The following NCKAP5 variants were observed in gnomAD, a reference collection of about 807,000 sequenced individuals.
NCKAP5 encodes the protein nck-associated protein 5.
NCKAP5 carries 92 observed loss-of-function variants against 167.0 expected under a neutral mutation model. That is an observed-to-expected ratio of 0.55 (90% CI 0.47 to 0.66). The LOEUF is 0.66. Ranked by LOEUF, NCKAP5 falls within the 30% of genes least tolerant of loss-of-function variation. The probability of loss-of-function intolerance (pLI) is 0.00; values close to 1 mark genes in which losing one functional copy is unlikely to be tolerated. For synonymous variants in NCKAP5, 891 were observed against 877.4 expected, an observed-to-expected ratio of 1.02 and a Z score of -0.27; for missense variants, 2,378 against 2,315.0, an observed-to-expected ratio of 1.03 and a Z score of -0.56.
At chr2:133,322,284 A>C (rs1337205253) in intron 3 of NCKAP5, among the ~76,000 whole-genome samples, 1 of 152,092 alleles carries the variant, frequency 6.6e-6, no homozygotes, top group African/African-American at 2.4e-5. Flanking sequence ...GAGACAAAGC[A>C]TAGATGCAAG....
chr2:132,866,461 G>T (rs1690363078), intron 10 of NCKAP5, among the ~76,000 whole-genome samples: 1 of 152,080 alleles, frequency 6.6e-6, no homozygotes, highest in African/African-American at 2.4e-5. Flanking sequence ...GTTCTAAAGG[G>T]GTACAGTCCA....
At chr2:132,755,858 A>AATAATAATAATAATC (rs1680505844) in intron 16 of NCKAP5, among the ~76,000 whole-genome samples, 2 of 135,518 alleles carry the variant, frequency 1.5e-5, no homozygotes, top group Non-Finnish European at 3.0e-5. Flanking sequence ...ATGGCAAAAT[A>AATAATAATAATAATC]ATAATAATAA....
At chr2:132,954,046 T>G (rs1287385421) in intron 8 of NCKAP5, among the ~76,000 whole-genome samples, 1 of 152,214 alleles carries the variant, frequency 6.6e-6, no homozygotes, top group Non-Finnish European at 1.5e-5. Context: ...CTTTCTGACA[T>G]TGTCTGAACC....
intron 19 of NCKAP5, among the ~76,000 whole-genome samples, chr2:132,694,103 T>TTTTATTTA (rs140401537): frequency 0.12 from 17,097 of 146,926 alleles, 1,481 homozygotes; most frequent in African/African-American, 0.25. Context: ...GTTTTAAGTG[T>TTTTATTTA]TTTATTTATT....
intron 15 of NCKAP5, among the ~76,000 whole-genome samples, chr2:132,778,371 T>C (rs1328059679): frequency 6.6e-6 from 1 of 152,100 alleles, no homozygotes; most frequent in African/African-American, 2.4e-5. Flanking sequence ...AGAATGTTTC[T>C]AGCAATACTA....
rs71398587 is a variant in NCKAP5, at chr2:133,141,410, GA to G, written c.208-11300del. Among the ~76,000 whole-genome samples the G allele has an allele frequency of 4.2e-3, 586 of 138,136 alleles. 3 individuals carry two copies. Among genetic ancestry groups the G allele is most frequent in the Middle Eastern group, 0.011 (3 of 272 alleles). The allele number at this position is 138,136 out of a possible 152,430, so 90.6% of individuals were successfully genotyped here. A position where few individuals can be genotyped will look rare whatever the true frequency, so the allele number is the denominator to read the frequency against. Reference sequence around the variant, plus strand: ...CTAGACTGTACAGAGTAGTGGAAAGGAAAAAAAAAAAACACAACTCTATTCA... The same window carrying G: ...CTAGACTGTACAGAGTAGTGGAAAGGAAAAAAAAAAACACAACTCTATTCA... On this transcript the variant is annotated intron_variant, in intron 5 of 19. Coordinates refer to ENST00000409261, the MANE Select transcript of NCKAP5 (RefSeq NM_207363.3).
intron 8 of NCKAP5, among the ~76,000 whole-genome samples, chr2:132,883,976 A>C (rs1433643421): frequency 2.6e-5 from 4 of 152,208 alleles, no homozygotes; most frequent in African/African-American, 7.2e-5. Context: ...AACTCCCGGA[A>C]AAAGTCTGTT....
At chr2:132,838,262 A>G (rs755993395) in intron 11 of NCKAP5, among the ~76,000 whole-genome samples, 2 of 152,070 alleles carry the variant, frequency 1.3e-5, no homozygotes, top group Non-Finnish European at 2.9e-5. Flanking sequence ...CTCAATGCCA[A>G]TACTTAGGTT....
chr2:133,426,971 T>A (rs2151111245), intron 3 of NCKAP5, among the ~76,000 whole-genome samples: 1 of 152,302 alleles, frequency 6.6e-6, no homozygotes, highest in African/African-American at 2.4e-5. Flanking sequence ...GTTCTGGGAT[T>A]GGGAGGGTAG....
chr2:133,474,685 AT>A (rs1428919627), intron 3 of NCKAP5, among the ~76,000 whole-genome samples: 1 of 152,236 alleles, frequency 6.6e-6, no homozygotes, highest in Non-Finnish European at 1.5e-5. Context: ...GATACAAAAA[AT>A]AAACAAATAA....
At chr2:133,048,652 A>G (rs1303022477) in intron 6 of NCKAP5, among the ~76,000 whole-genome samples, 1 of 152,104 alleles carries the variant, frequency 6.6e-6, no homozygotes, top group Non-Finnish European at 1.5e-5. Context: ...GTAATATACC[A>G]CTCATATTGT....
At chr2:133,586,084 C>A in the NCKAP5 span, among the ~76,000 whole-genome samples, 174 of 152,308 alleles carry the variant, frequency 1.1e-3, no homozygotes, top group African/African-American at 4.0e-3. Context: ...TTCTCAACAT[C>A]TTTAGCATAA....
chr2:133,563,574 A>T (rs1188053019), intron 1 of NCKAP5, among the ~76,000 whole-genome samples: 1 of 147,584 alleles, frequency 6.8e-6, no homozygotes, highest in African/African-American at 2.5e-5. Context: ...TAAAAAAAAA[A>T]AAAAAAAAAA....
chr2:133,078,912 G>A (rs1383834855), intron 6 of NCKAP5, among the ~76,000 whole-genome samples: 2 of 152,108 alleles, frequency 1.3e-5, no homozygotes, highest in Non-Finnish European at 2.9e-5. Context: ...GAAACAGCAT[G>A]CTTTTCATAT....
intron 11 of NCKAP5, among the ~76,000 whole-genome samples, chr2:132,822,538 C>T (rs1339960007): frequency 6.6e-6 from 1 of 152,176 alleles, no homozygotes; most frequent in Non-Finnish European, 1.5e-5. Flanking sequence ...CCCCGTGGGA[C>T]AAGAGAATCT....
intron 6 of NCKAP5, among the ~76,000 whole-genome samples, chr2:133,043,866 GT>G (rs60249951): frequency 0.092 from 12,982 of 141,560 alleles, 826 homozygotes; most frequent in East Asian, 0.36. Context: ...TTCTGTAATA[GT>G]TTTTTTTTTT....
At chr2:132,754,034 T>A (rs1354435470) in intron 16 of NCKAP5, among the ~76,000 whole-genome samples, 1 of 152,194 alleles carries the variant, frequency 6.6e-6, no homozygotes, top group Non-Finnish European at 1.5e-5. Flanking sequence ...TAAGCTAAAG[T>A]TGTAGCCAGG....
chr2:133,234,332 T>C (rs2087293486), intron 4 of NCKAP5, among the ~76,000 whole-genome samples: 1 of 152,208 alleles, frequency 6.6e-6, no homozygotes, highest in Non-Finnish European at 1.5e-5. Flanking sequence ...ACAAAGATGA[T>C]CTGAACACAT....
At chr2:133,509,765 T>C (rs948123919) in intron 3 of NCKAP5, among the ~76,000 whole-genome samples, 2 of 152,114 alleles carry the variant, frequency 1.3e-5, no homozygotes, top group African/African-American at 2.4e-5. Context: ...ATAAACGTCC[T>C]ACAATACACA....
Sources: allele counts gnomAD v4.1 joint callset (sites outside exome capture counted in the v4.1 genomes callset), GRCh38; gene constraint gnomAD v4.1.1; transcripts MANE v1.5; gene names NCBI Gene and HGNC (gene_info 2026-07-23, HGNC 2026-07-21).